The following CNGB1 variants were observed in gnomAD, a reference collection of about 807,000 sequenced individuals.
CNGB1 encodes cyclic nucleotide gated channel subunit beta 1.
A neutral mutation model predicts 151.7 loss-of-function variants in CNGB1; 126 were observed. The observed-to-expected ratio is 0.83, with a 90% CI of 0.72 to 0.96. The LOEUF is 0.96. Ranked by LOEUF, CNGB1 falls within the 40% of genes least tolerant of loss-of-function variation. CNGB1 has a pLI of 0.00. For synonymous variants in CNGB1, 623 were observed against 635.1 expected, an observed-to-expected ratio of 0.98 and a Z score of 0.29; for missense variants, 1,698 against 1,627.0, an observed-to-expected ratio of 1.04 and a Z score of -0.75.
rs534003020 is a variant in CNGB1 at position 57,925,110 on chromosome 16, C to A, written c.1536-1730G>T. ...CTCCGTCTCCCAGGTTCAAGCAATT[C>A]TCATGCCTCAGCCTCCCAAGTAGCT... is the stretch of plus-strand genomic sequence containing the variant. On this transcript the variant is annotated intron_variant, in intron 17 of 32. Coordinates refer to ENST00000251102, the MANE Select transcript of CNGB1 (RefSeq NM_001297.5). Among the ~76,000 whole-genome samples the A allele has an allele frequency of 3.3e-5, 5 of 152,254 alleles. No individual in the cohort carries two copies. The South Asian group carries it at 1.0e-3, about 32-fold the overall frequency.
At chr16:57,964,605 G>T (rs1311891392) in intron 2 of CNGB1, 61 bp from the exon 3 acceptor site, 8 of 1,558,428 alleles carry the variant, frequency 5.1e-6, no homozygotes, top group African/African-American at 4.1e-5. Context: ...TTGGACAGGG[G>T]CAGCCTGATT....
In CNGB1 at chr16:57,884,126, C is replaced by G. The variant is rs768899200; in HGVS notation, c.*38G>C. 5.6e-6 allele frequency: 9 copies of G among 1,613,582 alleles called. No individual in the cohort carries two copies. The highest frequency in any genetic ancestry group is 1.3e-5 in the African/African-American group (1 of 74,910). Reference sequence around the variant, plus strand: ...GGGCGCAGCGGGCGCTGGGGACACACCTGCTGGAACTGCGCGCGGGATCCG... The same window carrying G: ...GGGCGCAGCGGGCGCTGGGGACACAGCTGCTGGAACTGCGCGCGGGATCCG... On this transcript the variant is annotated 3_prime_UTR_variant, in exon 33 of 33. Coordinates refer to ENST00000251102, the MANE Select transcript of CNGB1 (RefSeq NM_001297.5).
chr16:57,943,686 G>A (rs1961728345), intron 14 of CNGB1, among the ~76,000 whole-genome samples: 3 of 152,130 alleles, frequency 2.0e-5, no homozygotes, highest in Admixed American at 6.6e-5. Context: ...AAGATAGCAA[G>A]TGTTGGTGAG....
chr16:57,925,215 C>T (rs1433661002), intron 17 of CNGB1, among the ~76,000 whole-genome samples: 1 of 151,860 alleles, frequency 6.6e-6, no homozygotes, highest in East Asian at 1.9e-4. Context: ...GTTGGCCAGG[C>T]TAGTCTCAAT....
chr16:57,968,528 TACTC>T (rs1962455082), intron 1 of CNGB1, among the ~76,000 whole-genome samples: 1 of 152,082 alleles, frequency 6.6e-6, no homozygotes, highest in Non-Finnish European at 1.5e-5. Context: ...AAATGTAACA[TACTC>T]AGAACAGTGA....
At chr16:57,901,939 G>C (rs1411633381) in intron 27 of CNGB1, among the ~76,000 whole-genome samples, 1 of 152,190 alleles carries the variant, frequency 6.6e-6, no homozygotes, top group Admixed American at 6.5e-5. Context: ...AGTAGCCCCT[G>C]CGCTGTTGCA....
intron 17 of CNGB1, among the ~76,000 whole-genome samples, chr16:57,923,859 G>C (rs1961115424): frequency 1.3e-5 from 2 of 152,116 alleles, no homozygotes; most frequent in South Asian, 4.1e-4. Context: ...TCAGCTATCA[G>C]AGAAGCCATG....
chr16:57,948,252 T>C (rs59584192), intron 14 of CNGB1, among the ~76,000 whole-genome samples: 4,910 of 152,126 alleles, frequency 0.032, 272 homozygotes, highest in African/African-American at 0.11. Flanking sequence ...CCATCGCCTT[T>C]GGGAAAACAA....
At position 57,940,279 on chromosome 16, in the gene CNGB1, G is replaced by C. The variant is rs1488953692; in HGVS notation, c.1164C>G (p.Gly388=). 6.3e-6 allele frequency: 10 copies of C among 1,582,274 alleles called. No homozygotes were observed. In the East Asian group the frequency reaches 2.3e-4, roughly 36 times the overall value. The change falls in exon 15 of 33, where the codon GGC becomes GGG. Residue 388 remains glycine (G), a synonymous_variant. Coordinates refer to ENST00000251102, the MANE Select transcript of CNGB1 (RefSeq NM_001297.5). ...DSCVVSQVGV[G]QSEEDGTRPQ... is the part of the protein sequence containing the mutation. ...GCCGGGTCCCGTCTTCTTCACTCTG[G>C]CCCACGCCCACCTGCGACACCACAC...
Position 57,967,243 on chromosome 16 carries a change from G to T in CNGB1, c.44C>A (p.Thr15Asn). The T allele has an allele frequency of 6.2e-7, 1 of 1,614,146 alleles. No individual in the cohort carries two copies. The highest frequency in any genetic ancestry group is 1.1e-5 in the South Asian group (1 of 91,074). ...VQRVLPQPPG[T>N]PRKTKMQEEE... ...CTCCTGCATCTTGGTCTTCCGAGGG[G>T]TCCCTGGGGGCTGAGGCAGCACCCT... is the stretch of plus-strand genomic sequence containing the variant. Residue 15 changes from threonine to asparagine, a missense_variant, in exon 2 of 33, where the codon ACC (threonine) becomes AAC (asparagine). Transcript: ENST00000251102.
intron 14 of CNGB1, among the ~76,000 whole-genome samples, chr16:57,944,122 A>T (rs1427112930): frequency 6.6e-6 from 1 of 152,108 alleles, no homozygotes; most frequent in Non-Finnish European, 1.5e-5. Context: ...TCCTGACCTC[A>T]GGTGATCCAC....
chr16:57,951,725 G>A (rs1037763239), intron 12 of CNGB1, among the ~76,000 whole-genome samples: 11 of 152,180 alleles, frequency 7.2e-5, no homozygotes, highest in African/African-American at 2.7e-4. Flanking sequence ...GTTATAATTT[G>A]CATCCCCATT....
chr16:57,912,715 G>A lies in CNGB1; in HGVS notation c.2369+215C>T, dbSNP rs536224205. Reference sequence around the variant, plus strand: ...TCTCTGTTGTGTGTGTGTTGTGCACGTATGTATGTGTTGTGTGTTGTGTGT... The same window carrying A: ...TCTCTGTTGTGTGTGTGTTGTGCACATATGTATGTGTTGTGTGTTGTGTGT... On this transcript the variant is annotated intron_variant, in intron 24 of 32. Transcript: ENST00000251102. Among the ~76,000 whole-genome samples the A allele has an allele frequency of 2.7e-4, 41 of 150,776 alleles. 1 individual carries two copies. The South Asian group carries it at 7.4e-3, about 27-fold the overall frequency.
At chr16:57,955,041 G>A (rs1417794626) in intron 12 of CNGB1, 68 of 1,249,210 alleles carry the variant, frequency 5.4e-5, no homozygotes, top group Non-Finnish European at 6.4e-5. Flanking sequence ...GAGCCACCAC[G>A]CCCGGCTATG....
At chr16:57,950,975 G>A (rs1341146828) in intron 12 of CNGB1, among the ~76,000 whole-genome samples, 1 of 152,138 alleles carries the variant, frequency 6.6e-6, no homozygotes, top group Non-Finnish European at 1.5e-5. Context: ...GAGCTTGCCC[G>A]CTTCCTGCTC....
intron 10 of CNGB1, among the ~76,000 whole-genome samples, chr16:57,959,368 C>G (rs554487952): frequency 6.6e-6 from 1 of 151,486 alleles, no homozygotes; most frequent in Non-Finnish European, 1.5e-5. Context: ...AATCCTGGCA[C>G]TTTGAGAGGC....
At chr16:57,901,707 G>A in intron 27 of CNGB1, 82 bp from the exon 28 acceptor site, 1 of 1,067,560 alleles carries the variant, frequency 9.4e-7, no homozygotes, top group Non-Finnish European at 1.4e-6. Flanking sequence ...CCCACCTACT[G>A]GCTCACCAGG....
intron 15 of CNGB1, 27 bp from the exon 16 acceptor site, chr16:57,939,619 A>G (rs1430464766): frequency 1.2e-6 from 2 of 1,613,886 alleles, no homozygotes; most frequent in Non-Finnish European, 1.7e-6. Flanking sequence ...GAAAACAGAA[A>G]CTGTGACCAT....
At chr16:57,916,074 A>T in intron 22 of CNGB1, 55 bp downstream of exon 22, 2 of 1,572,502 alleles carry the variant, frequency 1.3e-6, no homozygotes, top group Non-Finnish European at 1.8e-6. Context: ...GGGCCCTCTG[A>T]GGCACCCCCT....
Sources: gnomAD v4.1 joint callset for allele counts (sites outside exome capture counted in the v4.1 genomes callset) on GRCh38, gnomAD v4.1.1 for gene constraint, MANE v1.5 for transcripts, NCBI Gene and HGNC (gene_info 2026-07-23, HGNC 2026-07-21) for gene names.